The following CRPPA variants were observed in gnomAD, a reference collection of about 807,000 sequenced individuals.
CRPPA encodes D-ribitol-5-phosphate cytidylyltransferase.
A neutral mutation model predicts 52.0 loss-of-function variants in CRPPA; 43 were observed. That is an observed-to-expected ratio of 0.83 (90% CI 0.65 to 1.07). The LOEUF (loss-of-function observed/expected upper bound fraction) is 1.07. CRPPA is among the 50% of genes least tolerant of loss of function. The pLI, the probability that CRPPA is intolerant of heterozygous loss-of-function variation, is 0.00. For missense variants in CRPPA, 629 were observed against 551.7 expected (o/e 1.14, Z -1.40); for synonymous variants, 250 against 203.5 (o/e 1.23, Z -1.94).
chr7:16,397,867 G>T (rs954656255), intron 2 of CRPPA, among the ~76,000 whole-genome samples: 11 of 152,210 alleles, frequency 7.2e-5, no homozygotes, highest in Non-Finnish European at 1.6e-4. Flanking sequence ...TGATCAACAC[G>T]TGTGTAACAC....
intron 9 of CRPPA, among the ~76,000 whole-genome samples, chr7:16,138,522 T>C (rs1445433169): frequency 6.6e-6 from 1 of 152,184 alleles, no homozygotes; most frequent in East Asian, 1.9e-4. Context: ...TTAACCTATG[T>C]TTCATGTTTT....
intron 1 of CRPPA, among the ~76,000 whole-genome samples, chr7:16,408,114 A>T (rs567557275): frequency 2.7e-4 from 41 of 150,634 alleles, no homozygotes; most frequent in East Asian, 9.7e-4. Flanking sequence ...TCTTTAAAAA[A>T]AAAAAAATAA....
chr7:16,236,948 G>GCACACACACA (rs144008834), intron 8 of CRPPA, among the ~76,000 whole-genome samples: 4 of 140,944 alleles, frequency 2.8e-5, no homozygotes, highest in Non-Finnish European at 4.5e-5. Context: ...TTTCGTGCGC[G>GCACACACACA]CGCACACACA....
intron 4 of CRPPA, among the ~76,000 whole-genome samples, chr7:16,301,768 AC>A (rs1324227724): frequency 2.6e-5 from 4 of 152,224 alleles, no homozygotes; most frequent in African/African-American, 9.6e-5. Context: ...AACAGTATTA[AC>A]ATGACTGCAT....
chr7:16,315,140 T>C (rs1007873316), intron 3 of CRPPA, among the ~76,000 whole-genome samples: 4 of 152,296 alleles, frequency 2.6e-5, no homozygotes, highest in African/African-American at 9.6e-5. Context: ...TCCTCATTCA[T>C]GTCTAGTCTA....
rs57024916 is a variant in CRPPA, at chr7:16,387,044, GATATATATATATATATATATATATATAT to G, written c.535-10831_535-10804del. Among the ~76,000 whole-genome samples, 39 of 96,020 alleles carry G rather than the reference GATATATATATATATATATATATATATAT, an allele frequency of 4.1e-4. 1 individual carries two copies. The highest frequency in any genetic ancestry group is 6.3e-3 in the Middle Eastern group (1 of 158). The allele number at this position is 96,020 out of a possible 152,430, so 63.0% of individuals were successfully genotyped here. ...TATTTTTAATTTAAAATAAAAAAAA[GATATATATATATATATATATATATATAT>G]ATATATATATATATACACACATATA... is the stretch of plus-strand genomic sequence containing the variant. On this transcript the variant is annotated intron_variant, in intron 2 of 9. Transcript: ENST00000407010.
At chr7:16,274,108 G>T (rs369675254) in intron 6 of CRPPA, among the ~76,000 whole-genome samples, 1 of 152,238 alleles carries the variant, frequency 6.6e-6, no homozygotes, top group East Asian at 1.9e-4. Context: ...GGAGTGCAGC[G>T]GCGCGATCTC....
At chr7:16,269,212 G>A (rs575468871) in intron 6 of CRPPA, 14 of 152,056 alleles carry the variant, frequency 9.2e-5, no homozygotes, top group Admixed American at 6.6e-5. Flanking sequence ...GATAAGAGAC[G>A]GTGAAAGACA....
Position 16,162,869 on chromosome 7 carries a change from G to T in CRPPA, c.1251+53197C>A, listed in dbSNP as rs531276033. Among the ~76,000 whole-genome samples, 504 of 151,950 alleles carry T rather than the reference G, an allele frequency of 3.3e-3. 3 individuals carry two copies. The highest frequency in any genetic ancestry group is 0.011 in the African/African-American group (445 of 41,452). On this transcript the variant is annotated intron_variant, in intron 9 of 9. Coordinates refer to ENST00000407010, the MANE Select transcript of CRPPA (RefSeq NM_001101426.4). ...TATGAATCTGGGTGCTCCTGTATTG[G>T]GTGCATATATATTTAGGAGAGTTAG...
intron 2 of CRPPA, among the ~76,000 whole-genome samples, chr7:16,398,939 T>G (rs985165582): frequency 6.6e-6 from 1 of 152,172 alleles, no homozygotes. Context: ...TACTGACACG[T>G]GATCATCACG....
chr7:16,225,323 G>A (rs1527218), intron 8 of CRPPA, among the ~76,000 whole-genome samples: 13 of 151,756 alleles, frequency 8.6e-5, no homozygotes, highest in African/African-American at 3.1e-4. Context: ...ATTTTACAAG[G>A]TGGTCTCTCT....
Position 16,264,988 on chromosome 7 carries a change from G to A in CRPPA, c.934-5976C>T, listed in dbSNP as rs545210855. ...TCCTCAGTAAAATGAGTACATCATAGAATTTATATGAGGATTGGCTAAGCT... is the reference window on the plus strand; with the variant it reads ...TCCTCAGTAAAATGAGTACATCATAAAATTTATATGAGGATTGGCTAAGCT... On this transcript the variant is annotated intron_variant, in intron 6 of 9. Transcript: ENST00000407010. 2.8e-3 allele frequency among the ~76,000 whole-genome samples: 420 copies of A among 152,272 alleles called. 3 individuals carry two copies. Among genetic ancestry groups the A allele is most frequent in the African/African-American group, 9.6e-3 (400 of 41,554 alleles).
intron 9 of CRPPA, among the ~76,000 whole-genome samples, chr7:16,181,709 T>G (rs1374265504): frequency 6.6e-6 from 1 of 151,996 alleles, no homozygotes; most frequent in Admixed American, 6.6e-5. Flanking sequence ...TTAAATTAAT[T>G]CAAGGATATT....
chr7:16,095,410 G>A (rs1781916801), intron 9 of CRPPA, among the ~76,000 whole-genome samples: 1 of 152,024 alleles, frequency 6.6e-6, no homozygotes, highest in Non-Finnish European at 1.5e-5. Flanking sequence ...TTTTTTGTGG[G>A]AACTTAGATA....
chr7:16,241,971 T>G (rs1295168), intron 8 of CRPPA, among the ~76,000 whole-genome samples: 51,257 of 86,078 alleles, frequency 0.6, 12,707 homozygotes, highest in African/African-American at 0.75. Context: ...TTTTTTTTGT[T>G]GGGGGGAGAT....
chr7:16,314,900 C>T (rs1354197757), intron 3 of CRPPA, among the ~76,000 whole-genome samples: 1 of 151,932 alleles, frequency 6.6e-6, no homozygotes, highest in Non-Finnish European at 1.5e-5. Context: ...CCTGAAGCTT[C>T]CTGGATCTTT....
intron 9 of CRPPA, among the ~76,000 whole-genome samples, chr7:16,144,026 T>C (rs1164890804): frequency 6.6e-6 from 1 of 152,164 alleles, no homozygotes; most frequent in Non-Finnish European, 1.5e-5. Flanking sequence ...AAAGTGCCTA[T>C]GTAAAGCTTT....
At chr7:16,377,953 C>A (rs1056574427) in intron 2 of CRPPA, among the ~76,000 whole-genome samples, 1 of 152,098 alleles carries the variant, frequency 6.6e-6, no homozygotes, top group Admixed American at 6.6e-5. Context: ...ACACATACGG[C>A]AGTTTTCATA....
intron 6 of CRPPA, among the ~76,000 whole-genome samples, chr7:16,267,274 T>A (rs537588046): frequency 6.6e-6 from 1 of 152,198 alleles, no homozygotes; most frequent in African/African-American, 2.4e-5. Flanking sequence ...TATAGCCTAA[T>A]GGGAAAACAA....
Sources: allele counts gnomAD v4.1 joint callset (sites outside exome capture counted in the v4.1 genomes callset), GRCh38; gene constraint gnomAD v4.1.1; transcripts MANE v1.5; gene names NCBI Gene and HGNC (gene_info 2026-07-23, HGNC 2026-07-21).